RCAN3: variants seen among roughly 807,000 people sequenced by gnomAD.
RCAN3 encodes regulator of calcineurin 3.
A neutral mutation model predicts 21.9 loss-of-function variants in RCAN3; 19 were observed. The observed-to-expected ratio is 0.87, with a 90% CI of 0.61 to 1.27. RCAN3 has a LOEUF of 1.27. Among genes scored for constraint, RCAN3 ranks in the 50% most tolerant of loss-of-function variants. The pLI is 0.00. For synonymous variants in RCAN3, 114 were observed against 112.3 expected, an observed-to-expected ratio of 1.01 and a Z score of -0.09; for missense variants, 240 against 300.1, an observed-to-expected ratio of 0.80 and a Z score of 1.48.
Position 24,535,423 on chromosome 1 carries a change from C to T in RCAN3, c.*146C>T, listed in dbSNP as rs1465668458. ...CTTCTCACCACGCCTGTACTGCAGA[C>T]ACGGTCGTGTAGAGTAGCAGCTGAT... On this transcript the variant is annotated 3_prime_UTR_variant, in exon 5 of 5. Coordinates refer to ENST00000374395, the MANE Select transcript of RCAN3 (RefSeq NM_013441.4). The T allele has an allele frequency of 2.5e-6, 2 of 789,292 alleles. No homozygotes were observed. The highest frequency in any genetic ancestry group is 3.6e-6 in the Non-Finnish European group (2 of 552,466). 48.9% of individuals were successfully genotyped at this position (789,292 alleles called of 1,614,324 possible).
chr1:24,509,310 A>C (rs1455388409), intron 1 of RCAN3, among the ~76,000 whole-genome samples: 1 of 152,224 alleles, frequency 6.6e-6, no homozygotes, highest in African/African-American at 2.4e-5. Context: ...ACAGCATTTC[A>C]CGAAAGATTT....
chr1:24,533,209 G>C lies in RCAN3; in HGVS notation c.496G>C (p.Val166Leu), dbSNP rs751944876. 1.9e-6 allele frequency: 3 copies of C among 1,603,900 alleles called. No individual in the cohort carries two copies. In the East Asian group the frequency reaches 6.8e-5, roughly 36 times the overall value. ...GAAGCAGAGCGAAGATGCGATGCCT[G>C]TTATAAATTATGATTTACTCTGTGC... Reference protein sequence around the residue: ...GWKQSEDAMPVINYDLLCAVS... With the variant: ...GWKQSEDAMPLINYDLLCAVS... The change falls in exon 4 of 5, where the codon GTT (valine) becomes CTT (leucine). Residue 166 changes from valine to leucine, a missense_variant. By Grantham distance (32) the Val-to-Leu change is conservative. Transcript: ENST00000374395.
intron 2 of RCAN3, among the ~76,000 whole-genome samples, chr1:24,526,082 A>G (rs180951930): frequency 2.9e-4 from 44 of 152,202 alleles, no homozygotes; most frequent in Non-Finnish European, 5.6e-4. Flanking sequence ...GCATGGCTTC[A>G]TTTTTGTATA....
chr1:24,528,774 T>C (rs1649492870), intron 2 of RCAN3, among the ~76,000 whole-genome samples: 1 of 152,174 alleles, frequency 6.6e-6, no homozygotes, highest in African/African-American at 2.4e-5. Context: ...ATCTAATAGA[T>C]CTTTCCTGAT....
At chr1:24,511,205 C>T (rs926933900) in intron 1 of RCAN3, among the ~76,000 whole-genome samples, 16 of 151,940 alleles carry the variant, frequency 1.1e-4, no homozygotes, top group African/African-American at 3.1e-4. Context: ...CCCAGCTACT[C>T]GGGAGGCTGA....
At chr1:24,514,611 AT>A in intron 2 of RCAN3, 44 bp downstream of exon 2, 1 of 1,561,868 alleles carries the variant, frequency 6.4e-7, no homozygotes. Flanking sequence ...AGCATGTTAA[AT>A]GTGTATGGAT....
At chr1:24,506,858 T>C (rs997571477) in intron 1 of RCAN3, among the ~76,000 whole-genome samples, 7 of 152,018 alleles carry the variant, frequency 4.6e-5, no homozygotes, top group African/African-American at 1.7e-4. Flanking sequence ...ACAAATCTTA[T>C]CAAGAATAGG....
intron 2 of RCAN3, among the ~76,000 whole-genome samples, chr1:24,522,903 C>T (rs913336079): frequency 6.6e-6 from 1 of 152,190 alleles, no homozygotes; most frequent in Non-Finnish European, 1.5e-5. Flanking sequence ...CATGTCTCCT[C>T]CCAGAGATAA....
chr1:24,534,634 G>A (rs1393759484), intron 4 of RCAN3, among the ~76,000 whole-genome samples: 1 of 147,576 alleles, frequency 6.8e-6, no homozygotes, highest in African/African-American at 2.5e-5. Flanking sequence ...AAACCATCTC[G>A]ACTGAAAATA....
chr1:24,533,320 C>A (rs1649952667), intron 4 of RCAN3, 66 bp downstream of exon 4: 10 of 1,286,458 alleles, frequency 7.8e-6, no homozygotes, highest in African/African-American at 1.5e-5. Context: ...TCGTATTCAG[C>A]AGTGTGCATT....
At chr1:24,510,147 A>G (rs1412306732) in intron 1 of RCAN3, among the ~76,000 whole-genome samples, 2 of 152,246 alleles carry the variant, frequency 1.3e-5, no homozygotes, top group African/African-American at 4.8e-5. Flanking sequence ...CATAGAGCAC[A>G]GGCAGAGTAG....
intron 2 of RCAN3, among the ~76,000 whole-genome samples, chr1:24,529,699 C>T (rs1649593499): frequency 6.6e-6 from 1 of 150,826 alleles, no homozygotes; most frequent in East Asian, 2.0e-4. Context: ...TACAGGCGCC[C>T]ACCACCATGC....
chr1:24,533,380 G>T (rs867899541), intron 4 of RCAN3, 126 bp downstream of exon 4: 34 of 683,284 alleles, frequency 5.0e-5, no homozygotes, highest in African/African-American at 3.5e-4. Flanking sequence ...CCTGGGTTCA[G>T]ATTCCAGCTG....
At chr1:24,529,356 C>T (rs1649553355) in intron 2 of RCAN3, among the ~76,000 whole-genome samples, 1 of 151,016 alleles carries the variant, frequency 6.6e-6, no homozygotes, top group Non-Finnish European at 1.5e-5. Flanking sequence ...AGTTTGAGAC[C>T]AGCCTGCGCA....
chr1:24,509,248 G>C (rs1647698986), intron 1 of RCAN3, among the ~76,000 whole-genome samples: 1 of 152,192 alleles, frequency 6.6e-6, no homozygotes, highest in Non-Finnish European at 1.5e-5. Flanking sequence ...TGACTGATCA[G>C]GGTGGTGATG....
intron 2 of RCAN3, among the ~76,000 whole-genome samples, chr1:24,524,823 C>CTTTT (rs1408221197): frequency 8.6e-6 from 1 of 115,908 alleles, no homozygotes; most frequent in Non-Finnish European, 1.7e-5. Context: ...ATTTTGTTTT[C>CTTTT]TTTTGTTTTT....
intron 2 of RCAN3, among the ~76,000 whole-genome samples, chr1:24,522,575 G>A (rs915927197): frequency 6.6e-6 from 1 of 152,148 alleles, no homozygotes; most frequent in East Asian, 1.9e-4. Flanking sequence ...CGACCTGGAG[G>A]GACAGAGAAT....
intron 1 of RCAN3, among the ~76,000 whole-genome samples, chr1:24,511,210 G>A (rs1402371075): frequency 2.0e-5 from 3 of 152,266 alleles, no homozygotes; most frequent in East Asian, 1.9e-4. Flanking sequence ...CTACTCGGGA[G>A]GCTGAGGCAG....
rs552412213 is a variant in RCAN3 at position 24,528,850 on chromosome 1, C to CTGAA, written c.196-2367_196-2364dup. Among the ~76,000 whole-genome samples the CTGAA allele has an allele frequency of 3.5e-3, 532 of 152,226 alleles. 4 individuals carry two copies. Among genetic ancestry groups the CTGAA allele is most frequent in the African/African-American group, 0.012 (515 of 41,542 alleles). On this transcript the variant is annotated intron_variant, in intron 2 of 4. Transcript: ENST00000374395. ...TTGTAAAGCACAGGAGCTGGATATACTGAACATGTTTATAATACTGTACCA... is the reference window on the plus strand; with the variant it reads ...TTGTAAAGCACAGGAGCTGGATATACTGAATGAACATGTTTATAATACTGTACCA...
Sources: allele counts gnomAD v4.1 joint callset (sites outside exome capture counted in the v4.1 genomes callset), GRCh38; gene constraint gnomAD v4.1.1; transcripts MANE v1.5; gene names NCBI Gene and HGNC (gene_info 2026-07-23, HGNC 2026-07-21).